The following ASIC2 variants were observed in gnomAD, a reference collection of about 807,000 sequenced individuals.
The protein encoded by ASIC2 is acid-sensing ion channel 2.
A neutral mutation model predicts 57.3 loss-of-function variants in ASIC2; 25 were observed. That is an observed-to-expected ratio of 0.44 (90% CI 0.32 to 0.61). The LOEUF is 0.61. ASIC2 is among the 20% of genes least tolerant of loss of function. ASIC2 has a pLI of 0.06. For missense variants in ASIC2, 641 were observed against 738.1 expected (o/e 0.87, Z 1.52); for synonymous variants, 319 against 307.5 (o/e 1.04, Z -0.39).
intron 1 of ASIC2, among the ~76,000 whole-genome samples, chr17:34,122,045 T>C (rs552689311): frequency 6.6e-6 from 1 of 152,246 alleles, no homozygotes; most frequent in Admixed American, 6.5e-5. Flanking sequence ...AAAGCCCATA[T>C]GGGCACAGAG....
chr17:33,764,069 G>C (rs1042144882), intron 1 of ASIC2, among the ~76,000 whole-genome samples: 2 of 152,102 alleles, frequency 1.3e-5, no homozygotes, highest in East Asian at 3.9e-4. Flanking sequence ...CGAGGCAGGC[G>C]GATCACGAGG....
intron 3 of ASIC2, among the ~76,000 whole-genome samples, chr17:33,073,902 A>G (rs1191099386): frequency 1.3e-5 from 2 of 152,206 alleles, no homozygotes; most frequent in Non-Finnish European, 2.9e-5. Context: ...AGTCCTGCCA[A>G]CAGAGGGACA....
chr17:33,797,129 C>A (rs1246692070), intron 1 of ASIC2, among the ~76,000 whole-genome samples: 1 of 152,198 alleles, frequency 6.6e-6, no homozygotes, highest in African/African-American at 2.4e-5. Context: ...GTGCCCAGTA[C>A]ATCAATATGT....
chr17:33,757,073 C>A (rs1277107917), intron 1 of ASIC2, among the ~76,000 whole-genome samples: 1 of 152,180 alleles, frequency 6.6e-6, no homozygotes, highest in African/African-American at 2.4e-5. Flanking sequence ...AGTGAAGGAA[C>A]AAGAGGACAC....
At chr17:34,106,389 C>T (rs148477148) in intron 1 of ASIC2, among the ~76,000 whole-genome samples, 11 of 152,088 alleles carry the variant, frequency 7.2e-5, no homozygotes, top group African/African-American at 2.7e-4. Flanking sequence ...TTATTTTTAC[C>T]CATTTTTACT....
chr17:33,110,457 T>C (rs1203378112), intron 2 of ASIC2, among the ~76,000 whole-genome samples: 1 of 152,172 alleles, frequency 6.6e-6, no homozygotes, highest in Non-Finnish European at 1.5e-5. Context: ...CAACAAAGTG[T>C]CTCCTCAGAG....
intron 1 of ASIC2, among the ~76,000 whole-genome samples, chr17:33,298,340 A>C (rs1209214541): frequency 6.6e-6 from 1 of 152,088 alleles, no homozygotes; most frequent in East Asian, 1.9e-4. Context: ...GAGTGAGAAC[A>C]TGCGGTGTTT....
chr17:33,988,068 G>A (rs112647799), intron 1 of ASIC2, among the ~76,000 whole-genome samples: 3 of 152,328 alleles, frequency 2.0e-5, no homozygotes, highest in African/African-American at 4.8e-5. Flanking sequence ...GAGAGTAAGA[G>A]TGCATTAGGC....
At chr17:33,299,394 G>A (rs923905490) in intron 1 of ASIC2, among the ~76,000 whole-genome samples, 1 of 152,142 alleles carries the variant, frequency 6.6e-6, no homozygotes, top group African/African-American at 2.4e-5. Flanking sequence ...AGGAGAGAGA[G>A]GACTTCTCCC....
chr17:34,155,978 T>C (rs201132167), exon 1 of ASIC2: 49 of 1,600,970 alleles, frequency 3.1e-5, no homozygotes, highest in Non-Finnish European at 4.1e-5. Flanking sequence ...AAGTACTCAC[T>C]GTGGTGAAGT....
At chr17:33,048,480 A>G (rs962907471) in intron 3 of ASIC2, among the ~76,000 whole-genome samples, 6 of 152,208 alleles carry the variant, frequency 3.9e-5, no homozygotes, top group Admixed American at 3.3e-4. Context: ...ACCTACAGCT[A>G]GGAAGAATTT....
chr17:33,217,799 C>T (rs375768), intron 1 of ASIC2, among the ~76,000 whole-genome samples: 106,746 of 152,138 alleles, frequency 0.7, 37,719 homozygotes, highest in Non-Finnish European at 0.75. Context: ...GCAGGTAAAG[C>T]ACCAAGTACA....
At chr17:33,315,559 A>G (rs926202454) in intron 1 of ASIC2, among the ~76,000 whole-genome samples, 1 of 152,208 alleles carries the variant, frequency 6.6e-6, no homozygotes, top group African/African-American at 2.4e-5. Flanking sequence ...CTTCCTGGTA[A>G]ACAAGTCAAG....
rs1435381063 is a variant in ASIC2 at position 33,292,620 on chromosome 17, G to C, written c.-505C>G. 7 of 985,610 alleles carry C rather than the reference G, an allele frequency of 7.1e-6. No individual in the cohort carries two copies. The highest frequency in any genetic ancestry group is 1.1e-4 in the East Asian group (1 of 8,804). The allele number at this position is 985,610 out of a possible 1,614,324, so 61.1% of individuals were successfully genotyped here. On this transcript the variant is annotated 5_prime_UTR_variant, in exon 1 of 10. Transcript: ENST00000225823. ...ACATCCCCAGGGACCCCACCAGCCCGGCCCGTAGCCCAGCGGTGCTGGGAC... is the reference window on the plus strand; with the variant it reads ...ACATCCCCAGGGACCCCACCAGCCCCGCCCGTAGCCCAGCGGTGCTGGGAC...
chr17:33,399,727 G>A (rs55755865), intron 1 of ASIC2, among the ~76,000 whole-genome samples: 1 of 152,246 alleles, frequency 6.6e-6, no homozygotes, highest in African/African-American at 2.4e-5. Flanking sequence ...TGATGGGAGA[G>A]AAAGCCACAG....
At chr17:33,495,173 G>A (rs1913887853) in intron 1 of ASIC2, among the ~76,000 whole-genome samples, 2 of 152,208 alleles carry the variant, frequency 1.3e-5, no homozygotes, top group Non-Finnish European at 2.9e-5. Flanking sequence ...GCCCCTGAGA[G>A]TGAGTGCCTC....
At chr17:33,912,247 G>A (rs919929310) in intron 1 of ASIC2, among the ~76,000 whole-genome samples, 3 of 149,926 alleles carry the variant, frequency 2.0e-5, no homozygotes, top group African/African-American at 7.3e-5. Context: ...TAATCCCGGC[G>A]CATTGTAGGC....
intron 1 of ASIC2, among the ~76,000 whole-genome samples, chr17:34,043,592 G>C (rs1381880751): frequency 6.6e-6 from 1 of 152,184 alleles, no homozygotes; most frequent in Admixed American, 6.5e-5. Flanking sequence ...ATTCTGCAAG[G>C]ATAAGAACTC....
intron 1 of ASIC2, among the ~76,000 whole-genome samples, chr17:33,148,644 CTTT>C (rs1904660880): frequency 6.6e-6 from 1 of 152,166 alleles, no homozygotes; most frequent in Admixed American, 6.5e-5. Flanking sequence ...TTCCATACTT[CTTT>C]ATTATGAAAA....
Sources: allele counts gnomAD v4.1 joint callset (sites outside exome capture counted in the v4.1 genomes callset), GRCh38; gene constraint gnomAD v4.1.1; transcripts MANE v1.5; gene names NCBI Gene and HGNC (gene_info 2026-07-23, HGNC 2026-07-21).